The following LPP variants were observed in gnomAD, a reference collection of about 807,000 sequenced individuals.
LPP encodes lipoma-preferred partner.
LPP carries 38 observed loss-of-function variants against 60.4 expected under a neutral mutation model. The ratio of observed to expected loss-of-function variants is 0.63; its 90% confidence interval spans 0.49 to 0.83. LPP has a LOEUF of 0.83. Ranked by LOEUF, LPP falls within the 40% of genes least tolerant of loss-of-function variation. LPP has a pLI of 0.00. For missense variants in LPP, 902 were observed against 783.6 expected (o/e 1.15, Z -1.80); for synonymous variants, 328 against 290.8 (o/e 1.13, Z -1.30).
At chr3:188,824,405 C>A (rs899428205) in intron 9 of LPP, among the ~76,000 whole-genome samples, 32 of 152,204 alleles carry the variant, frequency 2.1e-4, no homozygotes, top group African/African-American at 6.7e-4. Flanking sequence ...CTTAGTCATA[C>A]GAGCCACATT....
chr3:188,537,725 C>G (rs1824020135), intron 6 of LPP, among the ~76,000 whole-genome samples: 1 of 152,162 alleles, frequency 6.6e-6, no homozygotes, highest in Non-Finnish European at 1.5e-5. Context: ...TCTAAGCTGG[C>G]TTCTTTGTAA....
intron 1 of LPP, among the ~76,000 whole-genome samples, chr3:188,158,951 C>G (rs1320665109): frequency 6.6e-6 from 1 of 152,226 alleles, no homozygotes; most frequent in East Asian, 1.9e-4. Flanking sequence ...CACACTGGTG[C>G]TGTTCTAGCC....
At chr3:188,656,519 C>A (rs1465209919) in intron 7 of LPP, among the ~76,000 whole-genome samples, 1 of 152,200 alleles carries the variant, frequency 6.6e-6, no homozygotes, top group East Asian at 1.9e-4. Context: ...AAACCAGCAA[C>A]AACCTTTCTG....
intron 4 of LPP, among the ~76,000 whole-genome samples, chr3:188,457,804 G>A (rs1424685632): frequency 1.3e-5 from 2 of 151,184 alleles, no homozygotes; most frequent in East Asian, 3.9e-4. Flanking sequence ...AGCTACCTGG[G>A]AGGCTGAGGC....
chr3:188,798,926 G>A (rs1177295900), intron 9 of LPP, among the ~76,000 whole-genome samples: 1 of 152,230 alleles, frequency 6.6e-6, no homozygotes, highest in African/African-American at 2.4e-5. Context: ...CAGCTGCAGT[G>A]TGGGTTCCAC....
At chr3:188,371,641 A>ATATATATATTTTTTTTT (rs1553878071) in intron 3 of LPP, among the ~76,000 whole-genome samples, 1 of 32,174 alleles carries the variant, frequency 3.1e-5, no homozygotes, top group Admixed American at 6.4e-4. Context: ...ATATATATAT[A>ATATATATATTTTTTTTT]TTTTTTTTTT....
intron 1 of LPP, among the ~76,000 whole-genome samples, chr3:188,222,704 G>C (rs967677114): frequency 4.6e-5 from 7 of 152,030 alleles, no homozygotes; most frequent in African/African-American, 1.7e-4. Context: ...GTGAAAATCT[G>C]CAGTGTTGAT....
At chr3:188,773,588 T>C (rs964528951) in intron 9 of LPP, among the ~76,000 whole-genome samples, 2 of 152,198 alleles carry the variant, frequency 1.3e-5, no homozygotes, top group African/African-American at 2.4e-5. Context: ...ATTTTTACTT[T>C]ACACACTCTT....
At chr3:188,262,139 A>G (rs1295345338) in intron 2 of LPP, among the ~76,000 whole-genome samples, 1 of 152,136 alleles carries the variant, frequency 6.6e-6, no homozygotes, top group Non-Finnish European at 1.5e-5. Flanking sequence ...GCCAGGGTAT[A>G]TACCCCGAAG....
At chr3:188,401,191 TGG>T (rs1782159033) in intron 3 of LPP, among the ~76,000 whole-genome samples, 1 of 152,216 alleles carries the variant, frequency 6.6e-6, no homozygotes, top group Non-Finnish European at 1.5e-5. Context: ...TTTTAATACC[TGG>T]AGTTTTCACT....
chr3:188,600,924 GTA>G (rs903981470), intron 6 of LPP, among the ~76,000 whole-genome samples: 1 of 151,892 alleles, frequency 6.6e-6, no homozygotes, highest in African/African-American at 2.4e-5. Context: ...TTGTGTGTGT[GTA>G]TATATATGTA....
intron 6 of LPP, among the ~76,000 whole-genome samples, chr3:188,594,874 T>C (rs1436332282): frequency 6.6e-6 from 1 of 152,160 alleles, no homozygotes; most frequent in African/African-American, 2.4e-5. Flanking sequence ...CTCATAATTT[T>C]TGTTTTGTTT....
At chr3:188,634,117 C>G (rs1303832129) in intron 7 of LPP, among the ~76,000 whole-genome samples, 2 of 152,192 alleles carry the variant, frequency 1.3e-5, no homozygotes, top group Admixed American at 6.5e-5. Context: ...TACTGGGAAG[C>G]ACTTAGTGTC....
At chr3:188,238,434 C>T (rs1465999816) in intron 2 of LPP, among the ~76,000 whole-genome samples, 1 of 152,044 alleles carries the variant, frequency 6.6e-6, no homozygotes, top group Non-Finnish European at 1.5e-5. Context: ...AGCTTTTGGC[C>T]TCTCTTGGCT....
chr3:188,445,791 T>C (rs189390346), intron 4 of LPP, among the ~76,000 whole-genome samples: 1 of 152,132 alleles, frequency 6.6e-6, no homozygotes, highest in Admixed American at 6.5e-5. Context: ...AATAAATATA[T>C]AATAGCTCAA....
At chr3:188,845,198 G>T (rs1251966154) in intron 9 of LPP, among the ~76,000 whole-genome samples, 1 of 152,194 alleles carries the variant, frequency 6.6e-6, no homozygotes, top group African/African-American at 2.4e-5. Context: ...TTCTAAAGAA[G>T]TACCTAGAAG....
chr3:188,302,280 A>C (rs1750145824), intron 2 of LPP, among the ~76,000 whole-genome samples: 1 of 152,220 alleles, frequency 6.6e-6, no homozygotes, highest in African/African-American at 2.4e-5. Context: ...TTACATGATT[A>C]ATGAGTGCCA....
rs560690203 is a variant in LPP at position 188,529,890 on chromosome 3, C to A, written c.429+5103C>A. Among the ~76,000 whole-genome samples, 4 of 152,258 alleles carry A rather than the reference C, an allele frequency of 2.6e-5. No homozygotes were observed. The South Asian group carries it at 8.3e-4, about 32-fold the overall frequency. On this transcript the variant is annotated intron_variant, in intron 6 of 11. Coordinates refer to ENST00000617246, the MANE Select transcript of LPP (RefSeq NM_001375462.1). ...CTTCAATGTGCTACTTAAATTGTCA[C>A]GTAAATCACCACGTGTCAAAATTAT...
chr3:188,772,751 C>G (rs9861064), intron 9 of LPP, among the ~76,000 whole-genome samples: 52,538 of 151,594 alleles, frequency 0.35, 9,474 homozygotes, highest in Middle Eastern at 0.43. Flanking sequence ...TTTAATTCGT[C>G]TTTGTCTTTT....
Sources: gnomAD v4.1 joint callset for allele counts (sites outside exome capture counted in the v4.1 genomes callset) on GRCh38, gnomAD v4.1.1 for gene constraint, MANE v1.5 for transcripts, NCBI Gene and HGNC (gene_info 2026-07-23, HGNC 2026-07-21) for gene names.